The following ANK2 variants were observed in gnomAD, a reference collection of about 807,000 sequenced individuals.
ANK2 encodes the protein ankyrin-2.
In ANK2, 83 loss-of-function variants were observed where a neutral mutation model predicts 360.5. The ratio of observed to expected loss-of-function variants is 0.23; its 90% CI spans 0.19 to 0.28. ANK2 has a LOEUF of 0.28. Ranked by LOEUF, ANK2 falls within the 10% of genes least tolerant of loss-of-function variation. The pLI, the probability that ANK2 is intolerant of heterozygous loss-of-function variation, is 1.00. For missense variants in ANK2, 4,201 were observed against 4,795.7 expected (o/e 0.88, Z 3.66); for synonymous variants, 1,740 against 1,759.5 (o/e 0.99, Z 0.28).
At chr4:112,755,095 T>C in the ANK2 span, among the ~76,000 whole-genome samples, 1 of 152,214 alleles carries the variant, frequency 6.6e-6, no homozygotes, top group Non-Finnish European at 1.5e-5. Context: ...CAAGAATGAC[T>C]TCCTGCCCTG....
At chr4:112,926,989 A>G (rs1303147679) in intron 2 of ANK2, among the ~76,000 whole-genome samples, 1 of 152,158 alleles carries the variant, frequency 6.6e-6, no homozygotes, top group Non-Finnish European at 1.5e-5. Flanking sequence ...AAGCAAACAC[A>G]TGGCAGCAGG....
At chr4:112,948,663 T>G (rs9992666) in intron 2 of ANK2, among the ~76,000 whole-genome samples, 9 of 152,230 alleles carry the variant, frequency 5.9e-5, no homozygotes, top group African/African-American at 2.2e-4. Flanking sequence ...TTATAGCTTT[T>G]AAATCCCTGT....
At chr4:112,775,872 C>G in the ANK2 span, among the ~76,000 whole-genome samples, 2 of 152,128 alleles carry the variant, frequency 1.3e-5, no homozygotes, top group African/African-American at 4.8e-5. Flanking sequence ...CTGTGGTTTT[C>G]CACACTTTCG....
rs199538455 is a variant in ANK2, at chr4:113,357,065, G to A, written c.8447G>A (p.Gly2816Asp). The A allele has an allele frequency of 1.2e-5, 20 of 1,613,894 alleles. No homozygotes were observed. The highest frequency in any genetic ancestry group is 1.6e-4 in the Middle Eastern group (1 of 6,080). ...TATAAAGAATCATTAGCTCTCCAAG[G>A]CACTCATGAAAAAGACACAGAGGGA... ...VIYKESLALQGTHEKDTEGEE... is the reference protein window; with the variant it reads ...VIYKESLALQDTHEKDTEGEE... The change falls in exon 38 of 46, where the codon GGC becomes GAC. Residue 2816 changes from glycine to aspartate, a missense_variant. Coordinates refer to ENST00000357077, the MANE Select transcript of ANK2 (RefSeq NM_001148.6).
intron 2 of ANK2, among the ~76,000 whole-genome samples, chr4:112,935,199 C>T (rs538088299): frequency 2.8e-4 from 43 of 152,028 alleles, no homozygotes; most frequent in Non-Finnish European, 3.2e-4. Context: ...CTTGGCTTTA[C>T]TTCTAGTGAG....
the ANK2 span, among the ~76,000 whole-genome samples, chr4:112,710,566 C>T: frequency 5.9e-5 from 9 of 152,034 alleles, no homozygotes; most frequent in East Asian, 1.9e-4. Context: ...GGCTTGGTGG[C>T]GGGCGCCTGC....
At chr4:112,833,691 G>T (rs1158129943) in intron 1 of ANK2, among the ~76,000 whole-genome samples, 2 of 152,102 alleles carry the variant, frequency 1.3e-5, no homozygotes, top group Admixed American at 1.3e-4. Flanking sequence ...TTTTAGTAGA[G>T]ACGGGGTTTC....
chr4:112,784,969 A>G, the ANK2 span, among the ~76,000 whole-genome samples: 6 of 152,208 alleles, frequency 3.9e-5, no homozygotes. Flanking sequence ...GAAAATGTTT[A>G]CTCAGTTTGA....
intron 1 of ANK2, among the ~76,000 whole-genome samples, chr4:113,096,047 C>G (rs183978045): frequency 6.6e-6 from 1 of 152,292 alleles, no homozygotes. Context: ...TAGCTGTGCT[C>G]CAGCGTCTTA....
At chr4:113,269,284 C>T (rs1011720361) in intron 14 of ANK2, among the ~76,000 whole-genome samples, 8 of 152,138 alleles carry the variant, frequency 5.3e-5, no homozygotes, top group Non-Finnish European at 7.4e-5. Context: ...GGGAGTGAAC[C>T]GTTCTGTCTC....
At chr4:112,998,611 A>G (rs1677677720) in intron 2 of ANK2, among the ~76,000 whole-genome samples, 1 of 152,166 alleles carries the variant, frequency 6.6e-6, no homozygotes, top group Admixed American at 6.5e-5. Context: ...AGAACTCTAG[A>G]GGTTCATGAG....
chr4:113,357,931 G>A lies in ANK2; in HGVS notation c.9313G>A (p.Glu3105Lys). The A allele has an allele frequency of 2.5e-6, 4 of 1,614,040 alleles. No individual in the cohort carries two copies. Among genetic ancestry groups the A allele is most frequent in the Non-Finnish European group, 3.4e-6 (4 of 1,179,966 alleles). ...TSEQNPFLFQ[E>K]GKLFEMTRSG... ...TGAGCAAAACCCATTTCTGTTTCAG[G>A]AAGGAAAATTGTTTGAAATGACCCG... Residue 3105 changes from glutamate to lysine, a missense_variant, in exon 38 of 46, where the codon GAA becomes AAA. Around this residue, in one of 4 missense-constraint regions of ANK2, gnomAD observed 2,642 missense variants for 2,714.5 expected, o/e 0.97. Coordinates refer to ENST00000357077, the MANE Select transcript of ANK2 (RefSeq NM_001148.6).
At chr4:112,894,913 T>TC (rs1186812534) in intron 1 of ANK2, among the ~76,000 whole-genome samples, 4 of 152,180 alleles carry the variant, frequency 2.6e-5, no homozygotes, top group Non-Finnish European at 5.9e-5. Flanking sequence ...TTTCTTTTTT[T>TC]CCCCCACAGT....
chr4:113,249,964 A>G (rs2045249060), intron 10 of ANK2, 102 bp downstream of exon 10: 1 of 1,063,598 alleles, frequency 9.4e-7, no homozygotes. Flanking sequence ...AGCATTTTCT[A>G]GTTCTTTAAT....
At chr4:112,900,700 C>T (rs1002554565) in intron 1 of ANK2, among the ~76,000 whole-genome samples, 1 of 152,162 alleles carries the variant, frequency 6.6e-6, no homozygotes, top group Non-Finnish European at 1.5e-5. Flanking sequence ...CTCCTTCCCC[C>T]CAATTTCCAT....
intron 1 of ANK2, among the ~76,000 whole-genome samples, chr4:113,087,793 G>GAT (rs2085596345): frequency 6.6e-6 from 1 of 152,046 alleles, no homozygotes; most frequent in African/African-American, 2.4e-5. Flanking sequence ...CTTTTTAAGG[G>GAT]ACTATTTCTT....
At chr4:113,055,780 G>A (rs2154329829) in intron 1 of ANK2, among the ~76,000 whole-genome samples, 1 of 152,190 alleles carries the variant, frequency 6.6e-6, no homozygotes, top group East Asian at 1.9e-4. Flanking sequence ...TTTTCCTACT[G>A]TTCAACTAAT....
At chr4:112,836,607 G>T (rs147777339) in intron 1 of ANK2, among the ~76,000 whole-genome samples, 1 of 152,214 alleles carries the variant, frequency 6.6e-6, no homozygotes, top group African/African-American at 2.4e-5. Context: ...AGTCCAGGCT[G>T]AGGTGGTCTC....
chr4:112,794,888 G>A, the ANK2 span, among the ~76,000 whole-genome samples: 44,037 of 152,068 alleles, frequency 0.29, 6,547 homozygotes, highest in East Asian at 0.35. Flanking sequence ...AACTGTGAGC[G>A]TAATAGAATA....
Sources: gnomAD v4.1 joint callset for allele counts (sites outside exome capture counted in the v4.1 genomes callset) on GRCh38, gnomAD v4.1.1 for gene constraint, gnomAD v4.1.1 regional missense constraint, MANE v1.5 for transcripts, NCBI Gene and HGNC (gene_info 2026-07-23, HGNC 2026-07-21) for gene names.